PTOV1: variants seen among roughly 807,000 people sequenced by gnomAD.
The protein encoded by PTOV1 is PTOV1 extended AT-hook containing adaptor protein.
In PTOV1, 20 loss-of-function variants were observed where a neutral mutation model predicts 58.0. The observed-to-expected ratio is 0.34, with a 90% CI of 0.24 to 0.50. PTOV1 has a LOEUF of 0.50. Among genes scored for constraint, PTOV1 ranks in the 20% least tolerant of loss-of-function variants. The pLI, the probability that PTOV1 is intolerant of heterozygous loss-of-function variation, is 0.98. For missense variants in PTOV1, 593 were observed against 565.4 expected (o/e 1.05, Z -0.50); for synonymous variants, 335 against 234.2 (o/e 1.43, Z -3.93).
intron 1 of PTOV1, 145 bp downstream of exon 1, chr19:49,851,644 C>A: frequency 2.7e-6 from 3 of 1,108,358 alleles, no homozygotes; most frequent in Non-Finnish European, 3.4e-6. Context: ...GCCGGGTTCC[C>A]CCGTGGAGCA....
At chr19:49,851,206 T>G (rs1171489202) in exon 1 of PTOV1, 2 of 1,199,002 alleles carry the variant, frequency 1.7e-6, no homozygotes, top group Non-Finnish European at 1.0e-6. Context: ...TCCCCCGAGC[T>G]TGGTACGGCT....
At chr19:49,854,323 C>T (rs2074368798) in intron 1 of PTOV1, 83 bp from the exon 2 acceptor site, 7 of 1,499,922 alleles carry the variant, frequency 4.7e-6, no homozygotes, top group Middle Eastern at 2.5e-4. Context: ...AATATTGGGA[C>T]GTCCCCTCTG....
rs1315161956 is a variant in PTOV1, at chr19:49,858,961, G to T, written c.1041+308G>T. Reference sequence around the variant, plus strand: ...GTCACTCCTGGTTTCCCGGGAGCTTGTGCCACATCCCAAAGGCCCATTGCT... The same window carrying T: ...GTCACTCCTGGTTTCCCGGGAGCTTTTGCCACATCCCAAAGGCCCATTGCT... On this transcript the variant is annotated intron_variant, in intron 10 of 11. Coordinates refer to ENST00000391842, the Ensembl canonical transcript of PTOV1. The T allele has an allele frequency of 1.1e-5, 3 of 273,880 alleles. No homozygotes were observed. The Admixed American group carries it at 1.4e-4, about 13-fold the overall frequency. The allele number at this position is 273,880 out of a possible 1,614,324, so 17.0% of individuals were successfully genotyped here. A position where few individuals can be genotyped will look rare whatever the true frequency, so the allele number is the denominator to read the frequency against.
rs768944218 is a variant in PTOV1, at chr19:49,854,898, G to A, written c.450+10G>A. ...CCCTCAGCAGCTGCTGGTGAGACCC[G>A]CCCCTCCCACCCCATCCACTCTGAG... On this transcript the variant is annotated intron_variant, in intron 4 of 11. Coordinates refer to ENST00000391842, the Ensembl canonical transcript of PTOV1. The A allele has an allele frequency of 1.6e-5, 22 of 1,392,602 alleles. No individual in the cohort carries two copies. Among genetic ancestry groups the A allele is most frequent in the Admixed American group, 9.0e-5 (5 of 55,626 alleles). The allele number at this position is 1,392,602 out of a possible 1,614,324, so 86.3% of individuals were successfully genotyped here.
chr19:49,860,622 C>G (rs981848654), exon 12 of PTOV1: 2 of 482,350 alleles, frequency 4.1e-6, no homozygotes, highest in Non-Finnish European at 7.3e-6. Flanking sequence ...AGGTGACACG[C>G]TTCTGAGCAG....
At chr19:49,851,170 CGCGGCGACCCCACTCCG>C in exon 1 of PTOV1, 1 of 1,238,692 alleles carries the variant, frequency 8.1e-7, no homozygotes, top group Non-Finnish European at 1.0e-6. Context: ...GTGGTTCGGC[CGCGGCGACCCCACTCCG>C]GCGGCGCGTC....
chr19:49,860,379 T>G (rs1375608993), exon 12 of PTOV1: 373 of 461,514 alleles, frequency 8.1e-4, no homozygotes, highest in Middle Eastern at 3.5e-3. Flanking sequence ...CCCTGGGGCA[T>G]GTGGGGGGGG....
chr19:49,860,472 C>T (rs914531482), exon 12 of PTOV1: 3 of 875,864 alleles, frequency 3.4e-6, no homozygotes, highest in African/African-American at 1.7e-5. Context: ...CGGTCCTAGG[C>T]TGTCGGGAAA....
At chr19:49,851,269 G>A in exon 1 of PTOV1, 8 of 1,095,028 alleles carry the variant, frequency 7.3e-6, no homozygotes, top group Non-Finnish European at 8.9e-6. Context: ...TCAGTCGGTG[G>A]AGCCCGCAGC....
chr19:49,858,096 C>T (rs2290286), exon 9 of PTOV1: 54,046 of 1,613,768 alleles, frequency 0.033, 1,420 homozygotes, highest in South Asian at 0.11. Flanking sequence ...ACATGCAGCT[C>T]ATCCCGCAGC....
chr19:49,854,296 C>G, intron 1 of PTOV1, 110 bp from the exon 2 acceptor site: 1 of 1,424,908 alleles, frequency 7.0e-7, no homozygotes, highest in Non-Finnish European at 9.5e-7. Context: ...GGGCTTCCAG[C>G]AGGGGATTTG....
exon 1 of PTOV1, chr19:49,851,231 C>A: frequency 4.4e-6 from 5 of 1,142,094 alleles, no homozygotes; most frequent in Non-Finnish European, 5.4e-6. Flanking sequence ...CCGTCTCCCC[C>A]GAAGCCGCGC....
chr19:49,854,980 G>C, exon 5 of PTOV1: 1 of 1,597,388 alleles, frequency 6.3e-7, no homozygotes, highest in Middle Eastern at 1.7e-4. Context: ...ACCACCCTGG[G>C]CCCCCTGTTC....
Position 49,857,887 on chromosome 19 carries a change from T to G in PTOV1, c.805-17T>G. On this transcript the variant is annotated splice_polypyrimidine_tract_variant and intron_variant, in intron 7 of 11. Transcript: ENST00000391842. ...GTCTCCAGCCCTGAGGGCTCCTCTT[T>G]GCCTCTCCCCCAAAAGCCCAGGCCT... 1.2e-5 allele frequency: 19 copies of G among 1,613,196 alleles called. No homozygotes were observed. Among genetic ancestry groups the G allele is most frequent in the Non-Finnish European group, 1.4e-5 (16 of 1,179,342 alleles).
intron 1 of PTOV1, among the ~76,000 whole-genome samples, chr19:49,853,411 T>A (rs1406653363): frequency 6.6e-6 from 1 of 151,192 alleles, no homozygotes. Context: ...ATCCCAGCAC[T>A]TTGGGAGGCC....
chr19:49,857,861 G>T, intron 7 of PTOV1, 43 bp from the exon 8 acceptor site: 3 of 1,611,982 alleles, frequency 1.9e-6, no homozygotes, highest in Non-Finnish European at 2.5e-6. Flanking sequence ...TGGCATTGGG[G>T]GTCTCCAGCC....
At chr19:49,855,391 G>T (rs117961291) in intron 5 of PTOV1, 3 of 406,672 alleles carry the variant, frequency 7.4e-6, no homozygotes, top group East Asian at 5.0e-5. Context: ...GACACATAGC[G>T]TATGGCAGGG....
intron 1 of PTOV1, among the ~76,000 whole-genome samples, 190 bp from the exon 2 acceptor site, chr19:49,854,216 C>T (rs573912054): frequency 2.6e-5 from 4 of 152,044 alleles, no homozygotes; most frequent in African/African-American, 4.8e-5. Context: ...GGGTGGGCAG[C>T]GGGAAAGGAC....
intron 6 of PTOV1, chr19:49,857,356 G>A (rs920493950): frequency 3.1e-6 from 2 of 651,006 alleles, no homozygotes; most frequent in Non-Finnish European, 5.2e-6. Flanking sequence ...CGGCGGCAGG[G>A]AAGCCAGCGG....
Sources: gnomAD v4.1 joint callset for allele counts (sites outside exome capture counted in the v4.1 genomes callset) on GRCh38, gnomAD v4.1.1 for gene constraint, MANE v1.5 for transcripts, NCBI Gene and HGNC (gene_info 2026-07-23, HGNC 2026-07-21) for gene names.